TEX11: variants seen among roughly 807,000 people sequenced by gnomAD.
TEX11 encodes the protein testis-expressed protein 11.
TEX11 carries 7 observed loss-of-function variants against 84.4 expected under a neutral mutation model. That is an observed-to-expected ratio of 0.08 (90% CI 0.05 to 0.16). The LOEUF is 0.16. Among genes scored for constraint, TEX11 ranks in the 10% least tolerant of loss-of-function variants. The pLI is 1.00. For synonymous variants in TEX11, 264 were observed against 222.8 expected (o/e 1.18, Z -1.64); for missense variants, 551 against 660.5 (o/e 0.83, Z 1.82).
intron 15 of TEX11, among the ~76,000 whole-genome samples, chrX:70,675,876 C>T (rs1230030203): frequency 7.2e-5 from 8 of 111,716 alleles, no homozygotes; most frequent in Admixed American, 2.8e-4. Flanking sequence ...GTGATCCACC[C>T]GCCTTGGCCT....
At chrX:70,678,515 C>T (rs1409942146) in intron 15 of TEX11, among the ~76,000 whole-genome samples, 1 of 109,308 alleles carries the variant, frequency 9.1e-6, no homozygotes, top group Non-Finnish European at 1.9e-5. Flanking sequence ...GGGAATAAAA[C>T]TCTTTCTCAG....
intron 9 of TEX11, among the ~76,000 whole-genome samples, chrX:70,752,561 A>G (rs2090836181): frequency 9.2e-6 from 1 of 108,872 alleles, no homozygotes; most frequent in African/African-American, 3.3e-5. Flanking sequence ...GAAAAAGACA[A>G]GAAAACGTAA....
chrX:70,679,069 C>A (rs1005815188), intron 14 of TEX11, among the ~76,000 whole-genome samples, 180 bp from the exon 15 acceptor site: 43 of 112,737 alleles, frequency 3.8e-4, no homozygotes, highest in Non-Finnish European at 7.7e-4. Context: ...CTGCCGACTG[C>A]CTGCGATTGC....
chrX:70,602,518 C>T lies in TEX11; in HGVS notation c.2067+2883G>A, dbSNP rs1175406894. Among the ~76,000 whole-genome samples the T allele has an allele frequency of 5.7e-5, 6 of 106,036 alleles. 1 individual carries two copies. The highest frequency in any genetic ancestry group is 3.0e-4 in the Admixed American group (3 of 9,894). The allele number at this position is 106,036 out of a possible 115,157, so 92.1% of individuals were successfully genotyped here. On this transcript the variant is annotated intron_variant, in intron 24 of 29. Transcript: ENST00000374333. ...ATTCAACAACCCTTCATGCTAAAAA[C>T]TCTCAATAAATTAGGTATTGATGGG...
At chrX:70,568,817 T>G (rs1215997171) in intron 25 of TEX11, among the ~76,000 whole-genome samples, 5 of 110,938 alleles carry the variant, frequency 4.5e-5, no homozygotes, top group Non-Finnish European at 9.4e-5. Flanking sequence ...AACCCGACCT[T>G]TCTCTCTGGC....
intron 11 of TEX11, among the ~76,000 whole-genome samples, chrX:70,733,059 C>A (rs757014859): frequency 4.5e-5 from 5 of 111,845 alleles, no homozygotes; most frequent in East Asian, 2.8e-4. Flanking sequence ...GGAAAGGATT[C>A]CCAATTTAAT....
At chrX:70,759,941 A>G (rs1372350631) in intron 9 of TEX11, among the ~76,000 whole-genome samples, 3 of 112,024 alleles carry the variant, frequency 2.7e-5, no homozygotes, top group Non-Finnish European at 5.6e-5. Flanking sequence ...TCAATGTGCA[A>G]AAATCACAAG....
chrX:70,630,105 G>A lies in TEX11; in HGVS notation c.1484-370C>T, dbSNP rs184627070. 9.8e-3 allele frequency among the ~76,000 whole-genome samples: 1,091 copies of A among 111,281 alleles called. 14 individuals are homozygous for A. Among genetic ancestry groups the A allele is most frequent in the African/African-American group, 0.033 (997 of 30,590 alleles). On this transcript the variant is annotated intron_variant, in intron 17 of 29. Coordinates refer to ENST00000374333, the MANE Select transcript of TEX11 (RefSeq NM_031276.3). ...AGGAGGGTGGATCGCGAGGTCAGGA[G>A]ATCGAGACCATCCTGGCTAACACGG... is the stretch of plus-strand genomic sequence containing the variant.
At chrX:70,672,079 A>T (rs1363269589) in intron 15 of TEX11, among the ~76,000 whole-genome samples, 2 of 108,685 alleles carry the variant, frequency 1.8e-5, no homozygotes, top group African/African-American at 6.7e-5. Flanking sequence ...TTTATTTTAT[A>T]GGCTTTTATA....
intron 25 of TEX11, among the ~76,000 whole-genome samples, chrX:70,583,964 A>G (rs1429084144): frequency 8.9e-6 from 1 of 112,174 alleles, no homozygotes; most frequent in Non-Finnish European, 1.9e-5. Flanking sequence ...GTACATCAAA[A>G]AATTAGATAA....
At chrX:70,719,584 A>G (rs2090537705) in intron 13 of TEX11, among the ~76,000 whole-genome samples, 1 of 111,943 alleles carries the variant, frequency 8.9e-6, no homozygotes, top group South Asian at 3.7e-4. Context: ...TGAACAGGCA[A>G]CCTACAGAAT....
intron 17 of TEX11, among the ~76,000 whole-genome samples, chrX:70,649,200 T>G (rs369808581): frequency 4.5e-5 from 5 of 112,143 alleles, no homozygotes; most frequent in African/African-American, 1.6e-4. Flanking sequence ...ATCTTTATAA[T>G]AGAATGGTTT....
intron 15 of TEX11, among the ~76,000 whole-genome samples, chrX:70,672,468 C>A (rs1161932245): frequency 2.7e-5 from 3 of 112,079 alleles, no homozygotes; most frequent in Non-Finnish European, 5.6e-5. Flanking sequence ...TCTTATATTT[C>A]CACCATGAAG....
At chrX:70,877,884 A>G (rs758681403) in intron 3 of TEX11, among the ~76,000 whole-genome samples, 2 of 111,597 alleles carry the variant, frequency 1.8e-5, no homozygotes, top group East Asian at 5.6e-4. Flanking sequence ...CAAAATTCGT[A>G]AGAATTTTAG....
chrX:70,734,126 G>A (rs1248506457), intron 11 of TEX11, among the ~76,000 whole-genome samples: 2 of 110,351 alleles, frequency 1.8e-5, no homozygotes, highest in Non-Finnish European at 3.8e-5. Flanking sequence ...GACACAGGAA[G>A]GGGAACATCA....
intron 25 of TEX11, among the ~76,000 whole-genome samples, chrX:70,557,489 G>C (rs1346141942): frequency 1.8e-5 from 2 of 109,395 alleles, no homozygotes; most frequent in Non-Finnish European, 3.8e-5. Flanking sequence ...AAAAGAAAAA[G>C]AAAGAATTAG....
chrX:70,839,305 G>A (rs924838685), intron 7 of TEX11, among the ~76,000 whole-genome samples: 9 of 111,614 alleles, frequency 8.1e-5, no homozygotes, highest in African/African-American at 1.6e-4. Context: ...CCAGAGGAGC[G>A]ATCAGGCAGC....
rs779823371 is a variant in TEX11 at position 70,602,188 on chromosome X, G to A, written c.2067+3213C>T. Among the ~76,000 whole-genome samples, 84 of 111,937 alleles carry A rather than the reference G, an allele frequency of 7.5e-4. 1 individual carries two copies. Among genetic ancestry groups the A allele is most frequent in the Middle Eastern group, 4.6e-3 (1 of 217 alleles). ...GGGCTGACCCCCCCACCTCCCTCCC[G>A]GATGGGGCGGCTGGAGGCCAGCATC... is the stretch of plus-strand genomic sequence containing the variant. On this transcript the variant is annotated intron_variant, in intron 24 of 29. Coordinates refer to ENST00000374333, the MANE Select transcript of TEX11 (RefSeq NM_031276.3).
At chrX:70,876,105 T>C (rs1056065658) in intron 3 of TEX11, among the ~76,000 whole-genome samples, 1 of 112,580 alleles carries the variant, frequency 8.9e-6, no homozygotes, top group Admixed American at 9.5e-5. Context: ...GGCTGTTACA[T>C]AGGTGTCCAG....
Sources: allele counts gnomAD v4.1 joint callset (sites outside exome capture counted in the v4.1 genomes callset), GRCh38; gene constraint gnomAD v4.1.1; transcripts MANE v1.5; gene names NCBI Gene and HGNC (gene_info 2026-07-23, HGNC 2026-07-21).